Variants in SH3GL3 observed in about 807,000 individuals in gnomAD.
The protein encoded by SH3GL3 is SH3 domain containing GRB2 like 3, endophilin A3, also known as endophilin-A3.
A neutral mutation model predicts 47.7 loss-of-function variants in SH3GL3; 33 were observed. That is an observed-to-expected ratio of 0.69 (90% CI 0.52 to 0.92). The LOEUF (loss-of-function observed/expected upper bound fraction) is 0.92, where lower values mean the gene tolerates loss of function less well. Among genes scored for constraint, SH3GL3 ranks in the 40% least tolerant of loss-of-function variants. The pLI, the probability that SH3GL3 is intolerant of heterozygous loss-of-function variation, is 0.00. For missense variants in SH3GL3, 363 were observed against 417.8 expected (o/e 0.87, Z 1.14); for synonymous variants, 155 against 148.8 (o/e 1.04, Z -0.30).
chr15:83,556,771 G>A (rs1292719496), intron 1 of SH3GL3, among the ~76,000 whole-genome samples: 1 of 152,204 alleles, frequency 6.6e-6, no homozygotes, highest in Non-Finnish European at 1.5e-5. Context: ...CTGTGGGTCA[G>A]CAATTTGGGC....
At chr15:83,529,514 G>A (rs940441633) in intron 1 of SH3GL3, among the ~76,000 whole-genome samples, 1 of 152,040 alleles carries the variant, frequency 6.6e-6, no homozygotes, top group Non-Finnish European at 1.5e-5. Flanking sequence ...TGGTGGACTG[G>A]GTAGAGTGAT....
At chr15:83,604,151 GA>G (rs947667431) in intron 8 of SH3GL3, among the ~76,000 whole-genome samples, 59 of 140,702 alleles carry the variant, frequency 4.2e-4, no homozygotes, top group South Asian at 1.1e-3. Flanking sequence ...TGTCTAAAAA[GA>G]AAAAAAAAAA....
chr15:83,632,575 C>T, the SH3GL3 span, among the ~76,000 whole-genome samples: 2 of 152,326 alleles, frequency 1.3e-5, no homozygotes, highest in Admixed American at 6.5e-5. Context: ...AGGAAACTCA[C>T]AATCATGGTG....
At chr15:83,469,790 T>G (rs2040746820) in intron 1 of SH3GL3, among the ~76,000 whole-genome samples, 1 of 152,222 alleles carries the variant, frequency 6.6e-6, no homozygotes, top group Non-Finnish European at 1.5e-5. Context: ...TCTGCTGTTG[T>G]TGAGTGGAGT....
intron 6 of SH3GL3, among the ~76,000 whole-genome samples, chr15:83,578,178 A>G (rs930934210): frequency 5.9e-5 from 9 of 152,306 alleles, no homozygotes; most frequent in Non-Finnish European, 8.8e-5. Context: ...ACTCCTGACC[A>G]GGCAACACGC....
the SH3GL3 span, among the ~76,000 whole-genome samples, chr15:83,630,593 G>A: frequency 0.075 from 11,365 of 152,072 alleles, 645 homozygotes; most frequent in East Asian, 0.2. Flanking sequence ...TCTTCACATG[G>A]CTGCAGGAAG....
chr15:83,450,962 G>C (rs1230949038), intron 1 of SH3GL3, among the ~76,000 whole-genome samples: 15 of 94,710 alleles, frequency 1.6e-4, no homozygotes, highest in African/African-American at 5.1e-4. Flanking sequence ...CCCCTCCCCC[G>C]ACCCCACCAC....
At chr15:83,463,148 A>G (rs1357609707) in intron 1 of SH3GL3, among the ~76,000 whole-genome samples, 1 of 152,234 alleles carries the variant, frequency 6.6e-6, no homozygotes, top group Non-Finnish European at 1.5e-5. Flanking sequence ...TAACTCCACA[A>G]GAAATTCCTT....
the SH3GL3 span, among the ~76,000 whole-genome samples, chr15:83,630,770 C>T: frequency 6.6e-6 from 1 of 152,132 alleles, no homozygotes; most frequent in Non-Finnish European, 1.5e-5. Flanking sequence ...AACTACAATT[C>T]AAGATGAGAT....
At chr15:83,509,026 T>C (rs1023573752) in intron 1 of SH3GL3, among the ~76,000 whole-genome samples, 1 of 152,224 alleles carries the variant, frequency 6.6e-6, no homozygotes, top group African/African-American at 2.4e-5. Context: ...GAGCAATTGG[T>C]AAGGCTTATG....
chr15:83,541,312 A>ATTTT lies in SH3GL3; in HGVS notation c.46-17905_46-17902dup, dbSNP rs71156085. ...GATGGCTGGATCATATGGTAATTCT[A>ATTTT]TTTTTTTTTTTTTTTTTTTTTTTTT... is the stretch of plus-strand genomic sequence containing the variant. On this transcript the variant is annotated intron_variant, in intron 1 of 8. Transcript: ENST00000427482. Among the ~76,000 whole-genome samples, 38 of 47,362 alleles carry ATTTT rather than the reference A, an allele frequency of 8.0e-4. 3 individuals are homozygous for ATTTT. The highest frequency in any genetic ancestry group is 1.8e-3 in the East Asian group (2 of 1,088). 31.1% of individuals were successfully genotyped at this position (47,362 alleles called of 152,430 possible).
chr15:83,564,498 C>T (rs1375742866), intron 2 of SH3GL3, among the ~76,000 whole-genome samples: 1 of 151,832 alleles, frequency 6.6e-6, no homozygotes, highest in African/African-American at 2.4e-5. Context: ...TTGTTTATTC[C>T]CATATTAACT....
chr15:83,469,917 CA>C (rs2040751940), intron 1 of SH3GL3, among the ~76,000 whole-genome samples: 1 of 152,090 alleles, frequency 6.6e-6, no homozygotes, highest in African/African-American at 2.4e-5. Context: ...GATAAGTCTC[CA>C]ACTATAATTA....
intron 5 of SH3GL3, among the ~76,000 whole-genome samples, chr15:83,574,034 T>G (rs1417696177): frequency 2.0e-5 from 3 of 151,992 alleles, no homozygotes; most frequent in Non-Finnish European, 1.5e-5. Context: ...ACTGGGAGAC[T>G]GGGGTGGGCA....
At chr15:83,474,998 T>C (rs569398599) in intron 1 of SH3GL3, among the ~76,000 whole-genome samples, 5 of 151,544 alleles carry the variant, frequency 3.3e-5, no homozygotes, top group African/African-American at 1.2e-4. Flanking sequence ...AGGAATCTTT[T>C]GAGAACAGGA....
intron 1 of SH3GL3, among the ~76,000 whole-genome samples, chr15:83,523,276 C>T (rs894761466): frequency 6.6e-6 from 1 of 152,130 alleles, no homozygotes; most frequent in Non-Finnish European, 1.5e-5. Context: ...AGCCCTTTAA[C>T]CTTGAGCTAA....
Position 83,448,163 on chromosome 15 carries a change from C to T in SH3GL3, c.45+585C>T, listed in dbSNP as rs1035082409. 3.9e-5 allele frequency among the ~76,000 whole-genome samples: 6 copies of T among 152,288 alleles called. No individual in the cohort carries two copies. The highest frequency in any genetic ancestry group is 1.4e-4 in the African/African-American group (6 of 41,576). On this transcript the variant is annotated intron_variant, in intron 1 of 8. Coordinates refer to ENST00000427482, the MANE Select transcript of SH3GL3 (RefSeq NM_003027.5). This position sits in a 1 kb window ranked among gnomAD's most constrained non-coding sequence, Gnocchi z 4.2. Reference sequence around the variant, plus strand: ...CCCCTCCCCACCGTCTTCCCGGTGTCGGCCCGGGGCTGGGCATCACGCTTC... The same window carrying T: ...CCCCTCCCCACCGTCTTCCCGGTGTTGGCCCGGGGCTGGGCATCACGCTTC...
chr15:83,514,696 G>A (rs1463902712), intron 1 of SH3GL3, among the ~76,000 whole-genome samples: 1 of 152,154 alleles, frequency 6.6e-6, no homozygotes, highest in Non-Finnish European at 1.5e-5. Context: ...GTAGTGCTTG[G>A]CAGTTTAGGA....
chr15:83,594,082 G>A (rs1471114025), intron 8 of SH3GL3, among the ~76,000 whole-genome samples: 2 of 152,200 alleles, frequency 1.3e-5, no homozygotes, highest in Non-Finnish European at 2.9e-5. Flanking sequence ...GCCTTCCAAA[G>A]TGTTGGGATT....
Sources: allele counts gnomAD v4.1 joint callset (sites outside exome capture counted in the v4.1 genomes callset), GRCh38; gene constraint gnomAD v4.1.1; non-coding constraint Gnocchi (gnomAD v3.1); transcripts MANE v1.5; gene names NCBI Gene and HGNC (gene_info 2026-07-23, HGNC 2026-07-21).